The following CSMD3 variants were observed in gnomAD, a reference collection of about 807,000 sequenced individuals.
CSMD3 encodes CUB and sushi domain-containing protein 3.
Under a neutral mutation model 435.2 loss-of-function variants are expected in CSMD3, and 177 were observed. The observed-to-expected ratio is 0.41, with a 90% CI of 0.36 to 0.46. The LOEUF is 0.46. Ranked by LOEUF, CSMD3 falls within the 20% of genes least tolerant of loss-of-function variation. CSMD3 has a pLI of 0.34. For missense variants in CSMD3, 4,265 were observed against 4,504.6 expected, an observed-to-expected ratio of 0.95 and a Z score of 1.52; for synonymous variants, 1,656 against 1,520.5, an observed-to-expected ratio of 1.09 and a Z score of -2.07.
At chr8:112,794,251 C>G (rs1414544902) in intron 13 of CSMD3, among the ~76,000 whole-genome samples, 1 of 146,108 alleles carries the variant, frequency 6.8e-6, no homozygotes, top group Non-Finnish European at 1.5e-5. Flanking sequence ...TACCCAGAAA[C>G]TATATCAATT....
At chr8:112,405,226 T>TATATATATATATATATATATAC (rs1563904450) in intron 35 of CSMD3, among the ~76,000 whole-genome samples, 5 of 96,002 alleles carry the variant, frequency 5.2e-5, no homozygotes, top group African/African-American at 2.0e-4. Context: ...TATATATATA[T>TATATATATATATATATATATAC]ATATATATAT....
intron 10 of CSMD3, among the ~76,000 whole-genome samples, chr8:112,897,900 T>G (rs577745812): frequency 1.3e-5 from 2 of 151,380 alleles, no homozygotes; most frequent in East Asian, 3.9e-4. Context: ...TCAGGTTTTA[T>G]TATTATTGTT....
intron 13 of CSMD3, among the ~76,000 whole-genome samples, chr8:112,738,757 T>A (rs1411082385): frequency 6.6e-6 from 1 of 151,688 alleles, no homozygotes; most frequent in Admixed American, 6.6e-5. Context: ...AATTTTACCA[T>A]TGCAATTAAA....
chr8:113,277,111 A>G (rs2093577211), intron 3 of CSMD3, among the ~76,000 whole-genome samples: 1 of 152,030 alleles, frequency 6.6e-6, no homozygotes, highest in South Asian at 2.1e-4. Context: ...TGAACAGAAT[A>G]CAGGTTTTTT....
chr8:112,519,401 CT>C (rs893251449), intron 27 of CSMD3, among the ~76,000 whole-genome samples: 10 of 151,990 alleles, frequency 6.6e-5, no homozygotes, highest in South Asian at 6.2e-4. Context: ...CGAGTTTGAC[CT>C]GTAAAATCCC....
intron 32 of CSMD3, among the ~76,000 whole-genome samples, chr8:112,425,350 A>G (rs922906457): frequency 1.6e-4 from 25 of 152,162 alleles, no homozygotes; most frequent in African/African-American, 5.3e-4. Flanking sequence ...ATTTGGACTT[A>G]ATTTATAGAT....
At chr8:112,485,526 T>G (rs1277463532) in intron 31 of CSMD3, among the ~76,000 whole-genome samples, 1 of 152,082 alleles carries the variant, frequency 6.6e-6, no homozygotes, top group Non-Finnish European at 1.5e-5. Flanking sequence ...CCCAAAAAAT[T>G]TTGTAAACCT....
At chr8:112,332,532 A>T (rs1824165948) in intron 45 of CSMD3, among the ~76,000 whole-genome samples, 1 of 152,286 alleles carries the variant, frequency 6.6e-6, no homozygotes, top group South Asian at 2.1e-4. Context: ...TGCATTCTTG[A>T]AAAGGCAGGT....
At chr8:112,950,594 C>T (rs2083772783) in intron 8 of CSMD3, among the ~76,000 whole-genome samples, 1 of 151,924 alleles carries the variant, frequency 6.6e-6, no homozygotes, top group Non-Finnish European at 1.5e-5. Context: ...AACTATTCTA[C>T]ATACTTTATG....
intron 64 of CSMD3, among the ~76,000 whole-genome samples, chr8:112,246,654 C>T (rs1337694687): frequency 1.3e-5 from 2 of 152,068 alleles, no homozygotes; most frequent in Non-Finnish European, 2.9e-5. Context: ...TTTTCACAAG[C>T]GATTTTTAAA....
intron 9 of CSMD3, among the ~76,000 whole-genome samples, chr8:112,936,871 C>T (rs2083295224): frequency 6.6e-6 from 1 of 152,024 alleles, no homozygotes; most frequent in Non-Finnish European, 1.5e-5. Context: ...TAAATATGTA[C>T]ATTTAAACTT....
rs192130166 is a variant in CSMD3 at position 113,008,273 on chromosome 8, A to G, written c.1030+10794T>C. ...GCAGTCCAGGAAATACAATAATCAT[A>G]GAAAATAAATCATAAAGAGTGAACA... is the stretch of plus-strand genomic sequence containing the variant. On this transcript the variant is annotated intron_variant, in intron 6 of 70. Coordinates refer to ENST00000297405, the MANE Select transcript of CSMD3 (RefSeq NM_198123.2). Among the ~76,000 whole-genome samples the G allele has an allele frequency of 8.4e-4, 127 of 152,004 alleles. 1 individual carries two copies. The highest frequency in any genetic ancestry group is 1.4e-3 in the Non-Finnish European group (95 of 67,874).
intron 45 of CSMD3, among the ~76,000 whole-genome samples, chr8:112,332,823 G>A (rs931528716): frequency 6.6e-6 from 1 of 152,100 alleles, no homozygotes; most frequent in African/African-American, 2.4e-5. Flanking sequence ...CTGAACATCT[G>A]CTCTGCCAGG....
At chr8:112,781,891 C>T (rs927622087) in intron 13 of CSMD3, among the ~76,000 whole-genome samples, 6 of 152,124 alleles carry the variant, frequency 3.9e-5, no homozygotes, top group East Asian at 1.9e-4. Flanking sequence ...CCCCTTAATG[C>T]GGATATGGCA....
chr8:113,234,047 A>G (rs1184722583), intron 3 of CSMD3, among the ~76,000 whole-genome samples: 1 of 152,130 alleles, frequency 6.6e-6, no homozygotes, highest in Non-Finnish European at 1.5e-5. Context: ...CCTTTGCCCC[A>G]GAGGAAGGCT....
chr8:112,845,456 T>C (rs1319661634), intron 11 of CSMD3, among the ~76,000 whole-genome samples: 2 of 152,016 alleles, frequency 1.3e-5, no homozygotes, highest in Non-Finnish European at 2.9e-5. Flanking sequence ...ACTGGAGATG[T>C]GTAAACAAAG....
At chr8:112,829,067 AAATAGCTTACCTTTAGTCAATTTACATAC>A (rs2079785579) in intron 12 of CSMD3, among the ~76,000 whole-genome samples, 1 of 152,182 alleles carries the variant, frequency 6.6e-6, no homozygotes, top group African/African-American at 2.4e-5. Context: ...AAGGAAAAAA[AAATAGCTTACCTTTAGTCAATTTACATAC>A]AATAAGGGCA....
chr8:112,934,345 C>T lies in CSMD3; in HGVS notation c.1509-12594G>A, dbSNP rs548965357. 5.1e-4 allele frequency among the ~76,000 whole-genome samples: 77 copies of T among 152,202 alleles called. 1 individual carries two copies. The highest frequency in any genetic ancestry group is 9.7e-4 in the Non-Finnish European group (66 of 68,016). ...CCTTACTGGCTAAAATTACAGTTCC[C>T]AAAGTATGTTGAGCTTTTTGGGTTG... On this transcript the variant is annotated intron_variant, in intron 9 of 70. Coordinates refer to ENST00000297405, the MANE Select transcript of CSMD3 (RefSeq NM_198123.2).
At chr8:113,355,799 C>G (rs1245276736) in intron 1 of CSMD3, among the ~76,000 whole-genome samples, 8 of 52,598 alleles carry the variant, frequency 1.5e-4, no homozygotes, top group African/African-American at 4.8e-4. Flanking sequence ...GTGTGTTTGT[C>G]AACTATACAT....
Sources: gnomAD v4.1 joint callset for allele counts (sites outside exome capture counted in the v4.1 genomes callset) on GRCh38, gnomAD v4.1.1 for gene constraint, MANE v1.5 for transcripts, NCBI Gene and HGNC (gene_info 2026-07-23, HGNC 2026-07-21) for gene names.